Variants in COA7 observed in about 807,000 individuals in gnomAD.
The protein encoded by COA7 is Sel1 repeat containing 1.
In COA7, 12 loss-of-function variants were observed where a neutral mutation model predicts 21.0. The observed-to-expected ratio is 0.57, with a 90% CI of 0.37 to 0.92. COA7 has a LOEUF of 0.92. Among genes scored for constraint, COA7 ranks in the 40% least tolerant of loss-of-function variants. The pLI, the probability that COA7 is intolerant of heterozygous loss-of-function variation, is 0.01. For synonymous variants in COA7, 95 were observed against 107.4 expected (o/e 0.88, Z 0.72); for missense variants, 240 against 286.1 (o/e 0.84, Z 1.16).
chr1:52,698,128 G>GT (rs1333446094), intron 1 of COA7, 93 bp downstream of exon 1: 66 of 910,162 alleles, frequency 7.3e-5, no homozygotes, highest in Middle Eastern at 2.4e-4. Context: ...CCCGCCACGT[G>GT]ATTCCTTCTC....
chr1:52,686,157 C>T lies in COA7; in HGVS notation c.*1563G>A, dbSNP rs557482058. On this transcript the variant is annotated 3_prime_UTR_variant, in exon 3 of 3. Coordinates refer to ENST00000371538, the MANE Select transcript of COA7 (RefSeq NM_023077.3). ...CTAGGATTACAGGCATGAGCCACCA[C>T]GCCTGGCCTGACCTAGTTTAAGCAC... 2 of 152,284 alleles carry T rather than the reference C, an allele frequency of 1.3e-5. No homozygotes were observed. The highest frequency in any genetic ancestry group is 4.8e-5 in the African/African-American group (2 of 41,550). 9.4% of individuals were successfully genotyped at this position (152,284 alleles called of 1,614,324 possible).
intron 2 of COA7, among the ~76,000 whole-genome samples, chr1:52,688,546 CCAA>C (rs1378832075): frequency 1.3e-5 from 2 of 152,186 alleles, no homozygotes; most frequent in African/African-American, 2.4e-5. Flanking sequence ...CCACACCTGG[CCAA>C]CAACAATTCC....
rs41313252 is a variant in COA7 at position 52,686,998 on chromosome 1, G to A, written c.*722C>T. 2 of 152,342 alleles carry A rather than the reference G, an allele frequency of 1.3e-5. No individual in the cohort carries two copies. The highest frequency in any genetic ancestry group is 2.9e-5 in the Non-Finnish European group (2 of 68,062). 9.4% of individuals were successfully genotyped at this position (152,342 alleles called of 1,614,324 possible). ...GGCAGTGCCAGGCGACTACACTGGAGGTGCTAATTTTTAACTGCCAATGTC... is the reference window on the plus strand; with the variant it reads ...GGCAGTGCCAGGCGACTACACTGGAAGTGCTAATTTTTAACTGCCAATGTC... On this transcript the variant is annotated 3_prime_UTR_variant, in exon 3 of 3. Transcript: ENST00000371538.
At chr1:52,696,591 T>G (rs775955994) in intron 1 of COA7, among the ~76,000 whole-genome samples, 1 of 152,180 alleles carries the variant, frequency 6.6e-6, no homozygotes, top group Admixed American at 6.6e-5. Context: ...GGAATAGCTA[T>G]GTCATTTCTG....
At chr1:52,689,752 G>A (rs923676616) in intron 2 of COA7, among the ~76,000 whole-genome samples, 16 of 151,880 alleles carry the variant, frequency 1.1e-4, no homozygotes, top group African/African-American at 3.6e-4. Context: ...CAGGCTGGGC[G>A]CGGTGGCTTA....
At chr1:52,697,049 C>T (rs1558104955) in intron 1 of COA7, among the ~76,000 whole-genome samples, 1 of 151,920 alleles carries the variant, frequency 6.6e-6, no homozygotes, top group Non-Finnish European at 1.5e-5. Flanking sequence ...GCAAAGGTTG[C>T]AGTGAGCTGA....
rs202038675 is a variant in COA7, at chr1:52,687,782, T to C, written c.634A>G (p.Asn212Asp). 1.1e-5 allele frequency: 17 copies of C among 1,614,240 alleles called. No homozygotes were observed. In the East Asian group the frequency reaches 3.1e-4, roughly 30 times the overall value. The change falls in exon 3 of 3, where the codon AAT (asparagine) becomes GAT (aspartate). Residue 212 changes from asparagine (N) to aspartate (D), a missense_variant. By Grantham distance (23) the Asn-to-Asp change is conservative. Coordinates refer to ENST00000371538, the MANE Select transcript of COA7 (RefSeq NM_023077.3). ...TCTTTGTGTAGCTGCTGGGCTCGAT[T>C]TTTTAGCACCTCGGCCTTGGCCTCA... The part of the protein sequence containing the change: ...KDEAKAEVLK[N>D]RAQQLHKEQQ...
rs758967759 is a variant in COA7, at chr1:52,692,773, G to C, written c.201C>G (p.His67Gln). 9.3e-6 allele frequency: 15 copies of C among 1,614,142 alleles called. No individual in the cohort carries two copies. Among genetic ancestry groups the C allele is most frequent in the Non-Finnish European group, 1.0e-5 (12 of 1,180,028 alleles). ...CCCCCAGTTTGTAGCAGCTATCACT[G>C]TGCTGGTTCTCTTCACAGTTAAACT... ...VLKFNCEENQ[H>Q]SDSCYKLGAY... Residue 67 changes from histidine to glutamine, a missense_variant, in exon 2 of 3, where the codon CAC becomes CAG. By Grantham distance (24) the His-to-Gln change is conservative. Coordinates refer to ENST00000371538, the MANE Select transcript of COA7 (RefSeq NM_023077.3).
chr1:52,698,237 G>T lies in COA7; in HGVS notation c.90C>A (p.His30Gln). Residue 30 changes from histidine (H) to glutamine (Q), a missense_variant, in exon 1 of 3, where the codon CAC becomes CAA. His to Gln is a conservative substitution (Grantham distance 24). Coordinates refer to ENST00000371538, the MANE Select transcript of COA7 (RefSeq NM_023077.3). ...MEVECNYHCYHEKDPDGCYRL... is the reference protein window; with the variant it reads ...MEVECNYHCYQEKDPDGCYRL... ...GCCGCTCACCGTCCGGGTCCTTCTCGTGGTAGCAGTGGTAGTTGCACTCCA... is the reference window on the plus strand; with the variant it reads ...GCCGCTCACCGTCCGGGTCCTTCTCTTGGTAGCAGTGGTAGTTGCACTCCA... The T allele has an allele frequency of 1.2e-6, 2 of 1,611,318 alleles. No homozygotes were observed.
At chr1:52,690,933 C>T (rs1644040787) in intron 2 of COA7, among the ~76,000 whole-genome samples, 1 of 151,938 alleles carries the variant, frequency 6.6e-6, no homozygotes, top group Non-Finnish European at 1.5e-5. Context: ...ATGGCGAAAC[C>T]CCATCTCTAC....
At chr1:52,697,693 C>G (rs1309567180) in intron 1 of COA7, among the ~76,000 whole-genome samples, 1 of 152,236 alleles carries the variant, frequency 6.6e-6, no homozygotes, top group African/African-American at 2.4e-5. Context: ...CTGCCTCAGC[C>G]TCCCGAGTAG....
intron 2 of COA7, 112 bp downstream of exon 2, chr1:52,692,615 A>G: frequency 4.9e-6 from 6 of 1,232,278 alleles, no homozygotes; most frequent in Non-Finnish European, 6.9e-6. Flanking sequence ...TCTTCCTACA[A>G]TGCACTTTCC....
chr1:52,688,842 A>G (rs1020595805), intron 2 of COA7, among the ~76,000 whole-genome samples: 19 of 152,222 alleles, frequency 1.2e-4, no homozygotes, highest in Non-Finnish European at 2.4e-4. Flanking sequence ...TGGGAATGAT[A>G]ATAATATCTA....
rs768466739 is a variant in COA7 at position 52,687,778 on chromosome 1, C to T, written c.638G>A (p.Arg213Gln). Residue 213 changes from arginine to glutamine, a missense_variant, in exon 3 of 3, where the codon CGA becomes CAA. Around this residue, in one of 3 missense-constraint regions of COA7, gnomAD observed 163 missense variants for 214.1 expected, o/e 0.76. Coordinates refer to ENST00000371538, the MANE Select transcript of COA7 (RefSeq NM_023077.3). ...DEAKAEVLKN[R>Q]AQQLHKEQQK... ...CTGTTCTTTGTGTAGCTGCTGGGCT[C>T]GATTTTTTAGCACCTCGGCCTTGGC... 3 of 1,614,222 alleles carry T rather than the reference C, an allele frequency of 1.9e-6. No homozygotes were observed. The highest frequency in any genetic ancestry group is 4.5e-5 in the East Asian group (2 of 44,878).
chr1:52,690,928 G>T (rs1291275427), intron 2 of COA7, among the ~76,000 whole-genome samples: 3 of 151,972 alleles, frequency 2.0e-5, no homozygotes, highest in East Asian at 1.9e-4. Flanking sequence ...CTAACATGGC[G>T]AAACCCCATC....
Position 52,687,068 on chromosome 1 carries a change from C to T in COA7, c.*652G>A, listed in dbSNP as rs930222365. 6.6e-5 allele frequency: 10 copies of T among 152,448 alleles called. No homozygotes were observed. The highest frequency in any genetic ancestry group is 2.2e-4 in the African/African-American group (9 of 41,442). 9.4% of individuals were successfully genotyped at this position (152,448 alleles called of 1,614,324 possible). ...CTGATGTTTCATCTTCTTCAGCAAC[C>T]CTGAAGCATAACAGCCTTTAAGCTG... On this transcript the variant is annotated 3_prime_UTR_variant, in exon 3 of 3. Transcript: ENST00000371538.
rs1363749645 is a variant in COA7, at chr1:52,685,200, C to T, written c.*2520G>A. The stretch of plus-strand genomic sequence containing the variant: ...TTTTTGTAAGAAACTGCTTAACTGT[C>T]TTCCAAAGTGGCTGTGCCATCTTGC... On this transcript the variant is annotated 3_prime_UTR_variant, in exon 3 of 3. Transcript: ENST00000371538. 1 of 152,228 alleles carries T rather than the reference C, an allele frequency of 6.6e-6. No homozygotes were observed. Among genetic ancestry groups the T allele is most frequent in the East Asian group, 1.9e-4 (1 of 5,202 alleles). The allele number at this position is 152,228 out of a possible 1,614,324, so 9.4% of individuals were successfully genotyped here.
At chr1:52,693,059 A>G (rs1033859837) in intron 1 of COA7, among the ~76,000 whole-genome samples, 192 bp from the exon 2 acceptor site, 17 of 152,204 alleles carry the variant, frequency 1.1e-4, no homozygotes, top group Non-Finnish European at 2.4e-4. Flanking sequence ...TACAAATGGC[A>G]TTGTCTCCCC....
At position 52,698,257 on chromosome 1, in the gene COA7, A is replaced by G; in HGVS notation, c.70T>C (p.Cys24Arg). The G allele has an allele frequency of 6.2e-7, 1 of 1,611,042 alleles. No homozygotes were observed. The highest frequency in any genetic ancestry group is 1.3e-5 in the African/African-American group (1 of 74,478). Residue 24 changes from cysteine to arginine, a missense_variant, in exon 1 of 3, where the codon TGC becomes CGC. This residue lies in a region of COA7 where 71 missense variants were observed against 54.7 expected (regional missense o/e 1.30). Transcript: ENST00000371538. ...KSFLENMEVE[C>R]NYHCYHEKDP... ...TTCTCGTGGTAGCAGTGGTAGTTGC[A>G]CTCCACCTCCATGTTCTCCAAAAAG...
Sources: gnomAD v4.1 joint callset for allele counts (sites outside exome capture counted in the v4.1 genomes callset) on GRCh38, gnomAD v4.1.1 for gene constraint, gnomAD v4.1.1 regional missense constraint, MANE v1.5 for transcripts, NCBI Gene and HGNC (gene_info 2026-07-23, HGNC 2026-07-21) for gene names.